NAV1: variants seen among roughly 807,000 people sequenced by gnomAD.
NAV1 encodes pore membrane and/or filament interacting like protein 3.
A neutral mutation model predicts 175.2 loss-of-function variants in NAV1; 18 were observed. That is an observed-to-expected ratio of 0.10 (90% CI 0.07 to 0.15). The LOEUF (loss-of-function observed/expected upper bound fraction) is 0.15, where lower values mean the gene tolerates loss of function less well. NAV1 is among the 10% of genes least tolerant of loss of function. The pLI is 1.00. For synonymous variants in NAV1, 897 were observed against 978.7 expected, an observed-to-expected ratio of 0.92 and a Z score of 1.56; for missense variants, 1,731 against 2,436.6, an observed-to-expected ratio of 0.71 and a Z score of 6.10.
chr1:201,768,098 G>A (rs1310069395), intron 3 of NAV1, among the ~76,000 whole-genome samples: 1 of 152,256 alleles, frequency 6.6e-6, no homozygotes, highest in East Asian at 1.9e-4. Flanking sequence ...GCTGAGGGAG[G>A]CGGATCACCT....
At chr1:201,639,801 C>T (rs1202880147) in intron 2 of NAV1, among the ~76,000 whole-genome samples, 1 of 152,198 alleles carries the variant, frequency 6.6e-6, no homozygotes, top group Non-Finnish European at 1.5e-5. Flanking sequence ...TTGGGGGGCC[C>T]CGGCCTCCAG....
chr1:201,688,571 C>T (rs889320626), intron 1 of NAV1, among the ~76,000 whole-genome samples: 1 of 152,162 alleles, frequency 6.6e-6, no homozygotes, highest in African/African-American at 2.4e-5. Context: ...CTGTTCAAAA[C>T]CAGGAATCCC....
At chr1:201,756,974 A>G (rs1286200588) in intron 3 of NAV1, among the ~76,000 whole-genome samples, 1 of 152,026 alleles carries the variant, frequency 6.6e-6, no homozygotes, top group African/African-American at 2.4e-5. Context: ...CTGTGGTCAC[A>G]ATAATAGTGG....
At chr1:201,799,534 C>T (rs1354778572) in intron 15 of NAV1, among the ~76,000 whole-genome samples, 1 of 152,056 alleles carries the variant, frequency 6.6e-6, no homozygotes, top group Non-Finnish European at 1.5e-5. Context: ...TTGAAGATTG[C>T]TTGATTCTGC....
At chr1:201,594,664 G>C (rs190649608) in intron 2 of NAV1, among the ~76,000 whole-genome samples, 10 of 152,360 alleles carry the variant, frequency 6.6e-5, no homozygotes, top group Admixed American at 5.9e-4. Context: ...GGTTATCTCT[G>C]TGATACATGG....
upstream of NAV1, among the ~76,000 whole-genome samples, chr1:201,618,891 C>G (rs1235966296): frequency 6.6e-6 from 1 of 152,088 alleles, no homozygotes; most frequent in African/African-American, 2.4e-5. Flanking sequence ...GTTCTCACTC[C>G]GAAGGCAAAC....
chr1:201,647,572 C>T (rs1669015096), upstream of NAV1, among the ~76,000 whole-genome samples: 1 of 152,124 alleles, frequency 6.6e-6, no homozygotes, highest in South Asian at 2.1e-4. Flanking sequence ...AGAGTTACTC[C>T]TTCCCCTACA....
At chr1:201,723,146 TG>T (rs1379822617) in intron 3 of NAV1, 2 of 152,188 alleles carry the variant, frequency 1.3e-5, no homozygotes, top group African/African-American at 4.8e-5. Flanking sequence ...GGAGGCGAAG[TG>T]GTTATCTCAT....
At chr1:201,618,498 C>T (rs549848940), upstream of NAV1, among the ~76,000 whole-genome samples, 1 of 152,246 alleles carries the variant, frequency 6.6e-6, no homozygotes, top group South Asian at 2.1e-4. Context: ...TGGATCCCCA[C>T]TCCCCACCCC....
intron 3 of NAV1, among the ~76,000 whole-genome samples, chr1:201,776,030 T>C (rs1675914816): frequency 6.6e-6 from 1 of 152,126 alleles, no homozygotes; most frequent in African/African-American, 2.4e-5. Context: ...CACTCTAGCC[T>C]GGGTAAGAAT....
chr1:201,598,459 A>C (rs1308811776), intron 2 of NAV1, among the ~76,000 whole-genome samples: 2 of 152,098 alleles, frequency 1.3e-5, no homozygotes, highest in Non-Finnish European at 2.9e-5. Flanking sequence ...TCAGGGTGGA[A>C]ATGGTGTGAG....
intron 1 of NAV1, among the ~76,000 whole-genome samples, chr1:201,579,162 G>A (rs1021884671): frequency 6.6e-6 from 1 of 152,038 alleles, no homozygotes; most frequent in Non-Finnish European, 1.5e-5. Context: ...TGTCTTTCTG[G>A]GCTGCCACTT....
At chr1:201,698,122 C>G (rs1363518649) in intron 1 of NAV1, among the ~76,000 whole-genome samples, 2 of 152,204 alleles carry the variant, frequency 1.3e-5, no homozygotes, top group East Asian at 3.8e-4. Context: ...TGTGGCTCAG[C>G]CTTTGCATAG....
intron 15 of NAV1, chr1:201,795,782 C>G (rs577763746): frequency 6.9e-6 from 1 of 145,052 alleles, no homozygotes; most frequent in Non-Finnish European, 1.5e-5. Context: ...GAGTCTCACT[C>G]TGTTGCCCAG....
intron 2 of NAV1, among the ~76,000 whole-genome samples, chr1:201,608,134 T>A (rs1347642790): frequency 6.6e-6 from 1 of 152,186 alleles, no homozygotes; most frequent in Admixed American, 6.5e-5. Context: ...ACACATTATT[T>A]TTTTCCACCT....
chr1:201,675,652 G>C (rs549091418), intron 1 of NAV1, among the ~76,000 whole-genome samples: 1 of 152,320 alleles, frequency 6.6e-6, no homozygotes, highest in African/African-American at 2.4e-5. Flanking sequence ...TCTTCCCCAA[G>C]TTACCTTTCC....
chr1:201,679,814 TG>T (rs1670395464), intron 1 of NAV1, among the ~76,000 whole-genome samples: 1 of 152,176 alleles, frequency 6.6e-6, no homozygotes, highest in South Asian at 2.1e-4. Context: ...AAGAGGGATG[TG>T]GGGCATGGAG....
At chr1:201,825,509 T>A (rs1017333009) in exon 30 of NAV1, 2 of 152,062 alleles carry the variant, frequency 1.3e-5, no homozygotes, top group African/African-American at 4.8e-5. Flanking sequence ...TTATCCACAC[T>A]CCACTCAGCT....
chr1:201,590,286 G>T (rs928427229), intron 2 of NAV1, among the ~76,000 whole-genome samples: 1 of 152,216 alleles, frequency 6.6e-6, no homozygotes, highest in Non-Finnish European at 1.5e-5. Context: ...AAGCGATGGG[G>T]TAGGAAATGT....
Sources: gnomAD v4.1 joint callset for allele counts (sites outside exome capture counted in the v4.1 genomes callset) on GRCh38, gnomAD v4.1.1 for gene constraint, MANE v1.5 for transcripts, NCBI Gene and HGNC (gene_info 2026-07-23, HGNC 2026-07-21) for gene names.